The following XKR9 variants were observed in gnomAD, a reference collection of about 807,000 sequenced individuals.
The protein encoded by XKR9 is XK related 9.
Under a neutral mutation model 32.0 loss-of-function variants are expected in XKR9, and 32 were observed. The ratio of observed to expected loss-of-function variants is 1.00; its 90% CI spans 0.76 to 1.34. The LOEUF (loss-of-function observed/expected upper bound fraction) is 1.34, where lower values mean the gene tolerates loss of function less well. XKR9 is among the 40% of genes most tolerant of loss of function. The pLI, the probability that XKR9 is intolerant of heterozygous loss-of-function variation, is 0.00. For missense variants in XKR9, 546 were observed against 429.7 expected (o/e 1.27, Z -2.39); for synonymous variants, 168 against 143.4 (o/e 1.17, Z -1.22).
At chr8:70,809,941 A>G in the XKR9 span, among the ~76,000 whole-genome samples, 27 of 152,218 alleles carry the variant, frequency 1.8e-4, no homozygotes, top group African/African-American at 6.3e-4. Context: ...TACAGAGAAC[A>G]CCACAAAGAT....
intron 3 of XKR9, among the ~76,000 whole-genome samples, chr8:70,685,885 A>G (rs1168169812): frequency 4.6e-5 from 7 of 151,662 alleles, no homozygotes; most frequent in Non-Finnish European, 1.0e-4. Flanking sequence ...AAAGTATAAT[A>G]ATAAAATAAA....
At chr8:70,808,417 T>A in the XKR9 span, among the ~76,000 whole-genome samples, 33 of 152,066 alleles carry the variant, frequency 2.2e-4, no homozygotes, top group Non-Finnish European at 7.4e-5. Context: ...AGGTACTGGG[T>A]TCATCTCACT....
downstream of XKR9, among the ~76,000 whole-genome samples, chr8:70,793,320 G>A (rs145143628): frequency 1.3e-5 from 2 of 152,004 alleles, no homozygotes; most frequent in African/African-American, 4.8e-5. Flanking sequence ...GGTCATGAAG[G>A]CTCTGCCCTC....
At chr8:70,777,855 C>G (rs1424462783) in intron 2 of XKR9, among the ~76,000 whole-genome samples, 2 of 151,840 alleles carry the variant, frequency 1.3e-5, no homozygotes, top group African/African-American at 4.8e-5. Flanking sequence ...GGATAATAGC[C>G]CTTTGTCAGA....
chr8:70,927,404 G>T, the XKR9 span, among the ~76,000 whole-genome samples: 2 of 152,102 alleles, frequency 1.3e-5, no homozygotes, highest in Non-Finnish European at 1.5e-5. Flanking sequence ...CATTTGTGCT[G>T]CCATAACAAA....
chr8:70,725,965 G>GA (rs890610466), intron 4 of XKR9, among the ~76,000 whole-genome samples: 1 of 151,978 alleles, frequency 6.6e-6, no homozygotes, highest in Non-Finnish European at 1.5e-5. Flanking sequence ...TGCATATTAT[G>GA]AAAAAAACTA....
chr8:71,028,098 A>G, the XKR9 span, among the ~76,000 whole-genome samples: 1 of 152,210 alleles, frequency 6.6e-6, no homozygotes, highest in African/African-American at 2.4e-5. Context: ...TATTTTGTGA[A>G]TAATGACATT....
the XKR9 span, among the ~76,000 whole-genome samples, chr8:70,816,248 G>C: frequency 6.6e-6 from 1 of 152,190 alleles, no homozygotes; most frequent in Non-Finnish European, 1.5e-5. Flanking sequence ...CGATTGAAAG[G>C]ACAACCTTTT....
the XKR9 span, among the ~76,000 whole-genome samples, chr8:70,820,932 A>C: frequency 6.6e-6 from 1 of 152,090 alleles, no homozygotes. Context: ...CCCAAATCTC[A>C]TGTCCCTTTC....
At position 70,784,371 on chromosome 8, in the gene XKR9, G is replaced by A. The variant is rs191663549; in HGVS notation, n.353-4968G>A. The stretch of plus-strand genomic sequence containing the variant: ...CTTTTAATTTATTAGTGTCTTCTTT[G>A]ATTTCTTTCATGATTTTTTTATAGT... On this transcript the variant is annotated intron_variant and non_coding_transcript_variant, in intron 2 of 3. Transcript: ENST00000520273. Among the ~76,000 whole-genome samples, 869 of 151,754 alleles carry A rather than the reference G, an allele frequency of 5.7e-3. 3 individuals are homozygous for A. The highest frequency in any genetic ancestry group is 6.5e-3 in the Non-Finnish European group (438 of 67,880).
At position 70,734,226 on chromosome 8, in the gene XKR9, C is replaced by T. The variant is rs74975207; in HGVS notation, c.924C>T (p.Cys308=). The part of the protein sequence containing the change: ...TLGILTVFWV[C]PLTIFNPDYF... Reference sequence around the variant, plus strand: ...GGATATTGACTGTATTCTGGGTTTGCCCCCTCACTATTTTTAATCCAGACT... The same window carrying T: ...GGATATTGACTGTATTCTGGGTTTGTCCCCTCACTATTTTTAATCCAGACT... The change falls in exon 5 of 5, where the codon TGC becomes TGT. Residue 308 remains cysteine, a synonymous_variant. Transcript: ENST00000408926. The T allele has an allele frequency of 0.048, 77,080 of 1,612,408 alleles. 2,207 individuals are homozygous for T. Among genetic ancestry groups the T allele is most frequent in the South Asian group, 0.084 (7,631 of 91,000 alleles).
intron 2 of XKR9, among the ~76,000 whole-genome samples, chr8:70,741,238 G>T (rs1050508487): frequency 6.6e-6 from 1 of 152,108 alleles, no homozygotes; most frequent in Non-Finnish European, 1.5e-5. Flanking sequence ...TATCAGGGTG[G>T]GTTCTCCATG....
the XKR9 span, among the ~76,000 whole-genome samples, chr8:70,988,976 C>T: frequency 0.32 from 48,485 of 152,056 alleles, 9,056 homozygotes; most frequent in Non-Finnish European, 0.43. Flanking sequence ...ATCCATATTA[C>T]AGCATGTGAC....
intron 3 of XKR9, among the ~76,000 whole-genome samples, chr8:70,687,186 G>A (rs982780812): frequency 3.3e-5 from 5 of 152,074 alleles, no homozygotes; most frequent in African/African-American, 1.2e-4. Context: ...TAGCTCCAAT[G>A]TATGAGTGAG....
At chr8:70,847,269 G>A in the XKR9 span, among the ~76,000 whole-genome samples, 30 of 151,980 alleles carry the variant, frequency 2.0e-4, 1 homozygote, top group South Asian at 1.9e-3. Flanking sequence ...AGTTAAGAAG[G>A]AAATTAAAAA....
the XKR9 span, among the ~76,000 whole-genome samples, chr8:70,856,903 T>C: frequency 6.6e-6 from 1 of 152,018 alleles, no homozygotes; most frequent in African/African-American, 2.4e-5. Flanking sequence ...AAGGCAGAAA[T>C]AAAGATGTTC....
At chr8:70,792,025 C>T (rs957293475), downstream of XKR9, among the ~76,000 whole-genome samples, 4 of 152,082 alleles carry the variant, frequency 2.6e-5, no homozygotes, top group Non-Finnish European at 5.9e-5. Context: ...CTACCACACA[C>T]TTCTCCTCTG....
intron 1 of XKR9, among the ~76,000 whole-genome samples, chr8:70,673,633 C>T (rs1035407042): frequency 7.2e-5 from 11 of 152,090 alleles, no homozygotes; most frequent in Admixed American, 6.5e-5. Context: ...GGCATGGTGG[C>T]GGGTGCCTGT....
At chr8:70,696,056 G>A (rs1448336288) in intron 3 of XKR9, among the ~76,000 whole-genome samples, 1 of 148,654 alleles carries the variant, frequency 6.7e-6, no homozygotes, top group Non-Finnish European at 1.5e-5. Context: ...AAATTTGTTT[G>A]AGTTCATTGT....
Sources: gnomAD v4.1 joint callset for allele counts (sites outside exome capture counted in the v4.1 genomes callset) on GRCh38, gnomAD v4.1.1 for gene constraint, MANE v1.5 for transcripts, NCBI Gene and HGNC (gene_info 2026-07-23, HGNC 2026-07-21) for gene names.